TBX4: variants seen among roughly 807,000 people sequenced by gnomAD.
TBX4 encodes T-box transcription factor TBX4.
Under a neutral mutation model 54.6 loss-of-function variants are expected in TBX4, and 13 were observed. The ratio of observed to expected loss-of-function variants is 0.24; its 90% CI spans 0.15 to 0.38. The LOEUF (loss-of-function observed/expected upper bound fraction) is 0.38, where lower values mean the gene tolerates loss of function less well. TBX4 is among the 10% of genes least tolerant of loss of function. TBX4 has a pLI of 1.00. For missense variants in TBX4, 631 were observed against 728.5 expected (o/e 0.87, Z 1.54); for synonymous variants, 314 against 306.7 (o/e 1.02, Z -0.25).
intron 1 of TBX4, among the ~76,000 whole-genome samples, chr17:61,455,309 G>A (rs2060439152): frequency 6.6e-6 from 1 of 152,238 alleles, no homozygotes; most frequent in South Asian, 2.1e-4. Context: ...GGGAGAGCGG[G>A]AAGAAGGTAG....
At chr17:61,463,613 T>C (rs2143815178) in intron 3 of TBX4, among the ~76,000 whole-genome samples, 1 of 152,346 alleles carries the variant, frequency 6.6e-6, no homozygotes, top group Non-Finnish European at 1.5e-5. Flanking sequence ...CCTCTCAGCC[T>C]AGGCTATGAC....
Position 61,457,736 on chromosome 17 carries a change from G to A in TBX4, c.281+105G>A. 1 of 1,064,758 alleles carries A rather than the reference G, an allele frequency of 9.4e-7. No homozygotes were observed. Among genetic ancestry groups the A allele is most frequent in the South Asian group, 1.4e-5 (1 of 72,334 alleles). 66.0% of individuals were successfully genotyped at this position (1,064,758 alleles called of 1,614,324 possible). The stretch of plus-strand genomic sequence containing the variant: ...GCCCCGGCCTGGTGGCCTGTGGGAG[G>A]CCTCTCTGCCTCCTCGGGCGTCAGT... On this transcript the variant is annotated intron_variant, in intron 3 of 8. Transcript: ENST00000644296. This position sits in a 1 kb window ranked among gnomAD's most constrained non-coding sequence, Gnocchi z 8.2.
intron 8 of TBX4, 40 bp from the exon 9 acceptor site, chr17:61,482,857 G>A: frequency 1.2e-6 from 2 of 1,608,470 alleles, no homozygotes; most frequent in South Asian, 2.2e-5. Flanking sequence ...GGCCTGGGCT[G>A]GTGGAAATGG....
At position 61,482,984 on chromosome 17, in the gene TBX4, C is replaced by T. The variant is rs2060675576; in HGVS notation, c.1109C>T (p.Ser370Phe). 2 of 1,613,740 alleles carry T rather than the reference C, an allele frequency of 1.2e-6. No homozygotes were observed. Among genetic ancestry groups the T allele is most frequent in the Non-Finnish European group, 1.7e-6 (2 of 1,179,792 alleles). Reference sequence around the variant, plus strand: ...GTGGGGGAGGATCACTATTTCCGTTCCCCCCCTCCCTACGACCAGCAAATG... The same window carrying T: ...GTGGGGGAGGATCACTATTTCCGTTTCCCCCCTCCCTACGACCAGCAAATG... ...SSVGEDHYFR[S>F]PPPYDQQMLS... The change falls in exon 9 of 9, where the codon TCC (serine) becomes TTC (phenylalanine). Residue 370 changes from serine (S) to phenylalanine (F), a missense_variant. By Grantham distance (155) the Ser-to-Phe change is radical. Around this residue, in one of 3 missense-constraint regions of TBX4, gnomAD observed 354 missense variants for 368.9 expected, o/e 0.96. Transcript: ENST00000644296.
chr17:61,455,300 G>T (rs577978421), intron 1 of TBX4, among the ~76,000 whole-genome samples: 17 of 152,358 alleles, frequency 1.1e-4, no homozygotes, highest in Admixed American at 3.3e-4. Context: ...GAGGGCCCGG[G>T]GAGAGCGGGA....
At chr17:61,454,193 C>G (rs533627755) in intron 1 of TBX4, among the ~76,000 whole-genome samples, 1 of 152,152 alleles carries the variant, frequency 6.6e-6, no homozygotes, top group Non-Finnish European at 1.5e-5. Flanking sequence ...TCAAAGTTCC[C>G]GAACTGATCA....
chr17:61,457,593 C>G lies in TBX4; in HGVS notation c.243C>G (p.His81Gln). 1 of 1,613,686 alleles carries G rather than the reference C, an allele frequency of 6.2e-7. No homozygotes were observed. Among genetic ancestry groups the G allele is most frequent in the Non-Finnish European group, 8.5e-7 (1 of 1,179,922 alleles). The stretch of plus-strand genomic sequence containing the variant: ...AGAAGGAGCTCTGGAAGAAGTTCCA[C>G]GAGGCGGGCACCGAGATGATCATCA... ...LHEKELWKKF[H>Q]EAGTEMIITK... Residue 81 changes from histidine to glutamine, a missense_variant, in exon 3 of 9, where the codon CAC (histidine) becomes CAG (glutamine). Transcript: ENST00000644296. This position sits in a 1 kb window ranked among gnomAD's most constrained non-coding sequence, Gnocchi z 8.2.
chr17:61,457,664 C>A lies in TBX4; in HGVS notation c.281+33C>A. The A allele has an allele frequency of 6.2e-7, 1 of 1,602,424 alleles. No individual in the cohort carries two copies. Among genetic ancestry groups the A allele is most frequent in the South Asian group, 1.1e-5 (1 of 90,642 alleles). On this transcript the variant is annotated intron_variant, in intron 3 of 8. Transcript: ENST00000644296. This position sits in a 1 kb window ranked among gnomAD's most constrained non-coding sequence, Gnocchi z 8.2. ...CTGGGAGATTTACTTCCGGGGATGG[C>A]GGTGGGGAGCAAGGGGGGCCAGGGA...
rs149977669 is a variant in TBX4, at chr17:61,483,613, A to AGTGTGTGT, written c.*130_*137dup. The AGTGTGTGT allele has an allele frequency of 0.067, 51,868 of 775,500 alleles. 1,003 individuals are homozygous for AGTGTGTGT. The highest frequency in any genetic ancestry group is 0.11 in the African/African-American group (5,401 of 50,692). The allele number at this position is 775,500 out of a possible 1,614,324, so 48.0% of individuals were successfully genotyped here. The stretch of plus-strand genomic sequence containing the variant: ...ACCAAGAAACACAGGAAGGTATTCC[A>AGTGTGTGT]GTGTGTGTGTGTGTGTGTGTGTGTG... On this transcript the variant is annotated 3_prime_UTR_variant, in exon 9 of 9. Coordinates refer to ENST00000644296, the MANE Select transcript of TBX4 (RefSeq NM_001321120.2). This position sits in a 1 kb window ranked among gnomAD's most constrained non-coding sequence, Gnocchi z 6.6.
intron 1 of TBX4, 166 bp from the exon 2 acceptor site, chr17:61,456,322 G>A: frequency 1.2e-6 from 1 of 854,506 alleles, no homozygotes; most frequent in Non-Finnish European, 1.9e-6. Flanking sequence ...CGAGGGACCT[G>A]CCTTCCTTGC....
At position 61,479,484 on chromosome 17, in the gene TBX4, C is replaced by A. The variant is rs964165206; in HGVS notation, c.703-397C>A. Reference sequence around the variant, plus strand: ...CCTGATGTAGTTGCACAGACTCAGGCAGCAGGCCCGGGATGCTCACTGGGA... The same window carrying A: ...CCTGATGTAGTTGCACAGACTCAGGAAGCAGGCCCGGGATGCTCACTGGGA... On this transcript the variant is annotated intron_variant, in intron 6 of 8. Coordinates refer to ENST00000644296, the MANE Select transcript of TBX4 (RefSeq NM_001321120.2). The surrounding 1 kb of genome is among the most constrained non-coding windows in gnomAD (Gnocchi z 6.1). 6.6e-6 allele frequency among the ~76,000 whole-genome samples: 1 copy of A among 152,202 alleles called. No homozygotes were observed. Among genetic ancestry groups the A allele is most frequent in the South Asian group, 2.1e-4 (1 of 4,830 alleles).
rs1160889664 is a variant in TBX4, at chr17:61,474,822, T to C, written c.550-3805T>C. ...AAAGCCAGGTGTGTGAGTCACTGAG[T>C]TGGTTTCACATTCTCCCGGCTGATG... On this transcript the variant is annotated intron_variant, in intron 5 of 8. Transcript: ENST00000644296. The surrounding 1 kb of genome is among the most constrained non-coding windows in gnomAD (Gnocchi z 4.6). Among the ~76,000 whole-genome samples, 1 of 152,130 alleles carries C rather than the reference T, an allele frequency of 6.6e-6. No homozygotes were observed. Among genetic ancestry groups the C allele is most frequent in the Non-Finnish European group, 1.5e-5 (1 of 68,026 alleles).
chr17:61,473,236 C>T (rs2060593377), intron 5 of TBX4, among the ~76,000 whole-genome samples: 1 of 151,182 alleles, frequency 6.6e-6, no homozygotes, highest in Non-Finnish European at 1.5e-5. Context: ...GATTTGTTAC[C>T]ATGATAAATG....
chr17:61,474,261 T>C lies in TBX4; in HGVS notation c.550-4366T>C, dbSNP rs895889587. On this transcript the variant is annotated intron_variant, in intron 5 of 8. Transcript: ENST00000644296. The surrounding 1 kb of genome is among the most constrained non-coding windows in gnomAD (Gnocchi z 4.6). ...CATCCAGATAACATGTGTTCTGTGT[T>C]CTGTAGGGCCTGCTGACCCAAGTCC... Among the ~76,000 whole-genome samples the C allele has an allele frequency of 6.6e-6, 1 of 152,222 alleles. No homozygotes were observed. Among genetic ancestry groups the C allele is most frequent in the Admixed American group, 6.5e-5 (1 of 15,280 alleles).
In TBX4 at chr17:61,457,709, C is replaced by T; in HGVS notation, c.281+78C>T. 4 of 1,398,096 alleles carry T rather than the reference C, an allele frequency of 2.9e-6. No individual in the cohort carries two copies. The highest frequency in any genetic ancestry group is 4.0e-6 in the Non-Finnish European group (4 of 997,364). 86.6% of individuals were successfully genotyped at this position (1,398,096 alleles called of 1,614,324 possible). A position where few individuals can be genotyped will look rare whatever the true frequency, so the allele number is the denominator to read the frequency against. ...CAGGGAGGTCCCTTAGAAGTCCTCT[C>T]GGCCCCGGCCTGGTGGCCTGTGGGA... On this transcript the variant is annotated intron_variant, in intron 3 of 8. Coordinates refer to ENST00000644296, the MANE Select transcript of TBX4 (RefSeq NM_001321120.2). The surrounding 1 kb of genome is among the most constrained non-coding windows in gnomAD (Gnocchi z 8.2).
chr17:61,467,766 C>T, intron 5 of TBX4, 109 bp downstream of exon 5: 1 of 1,419,714 alleles, frequency 7.0e-7, no homozygotes, highest in African/African-American at 1.4e-5. Flanking sequence ...CAGCTCCAGG[C>T]TTTGGCGCTC....
In TBX4 at chr17:61,480,920, G is replaced by A. The variant is rs1006100051; in HGVS notation, c.1021+601G>A. 1.5e-4 allele frequency among the ~76,000 whole-genome samples: 23 copies of A among 152,212 alleles called. 1 individual carries two copies. Among genetic ancestry groups the A allele is most frequent in the African/African-American group, 5.1e-4 (21 of 41,436 alleles). ...CCCGGAGCTGGGCACCATCACATCT[G>A]TGCTCTGTGCCAGGTCTTGATTCCT... On this transcript the variant is annotated intron_variant, in intron 8 of 8. Transcript: ENST00000644296. The surrounding 1 kb of genome is among the most constrained non-coding windows in gnomAD (Gnocchi z 6.2).
At chr17:61,454,150 C>T (rs2060431303) in intron 1 of TBX4, among the ~76,000 whole-genome samples, 1 of 152,180 alleles carries the variant, frequency 6.6e-6, no homozygotes, top group Non-Finnish European at 1.5e-5. Context: ...ATTAAAGATA[C>T]AAAGTAGTAA....
Position 61,483,890 on chromosome 17 carries a change from T to G in TBX4, c.*374T>G. The G allele has an allele frequency of 3.6e-6, 1 of 275,216 alleles. No homozygotes were observed. Among genetic ancestry groups the G allele is most frequent in the South Asian group, 4.1e-5 (1 of 24,408 alleles). The allele number at this position is 275,216 out of a possible 1,614,324, so 17.0% of individuals were successfully genotyped here. On this transcript the variant is annotated 3_prime_UTR_variant, in exon 9 of 9. Transcript: ENST00000644296. The surrounding 1 kb of genome is among the most constrained non-coding windows in gnomAD (Gnocchi z 6.6). Reference sequence around the variant, plus strand: ...TACTCAGGGGCCAGGTGGGGAGTTCTCTCCCATGGGGAAAGATTCTCACTG... The same window carrying G: ...TACTCAGGGGCCAGGTGGGGAGTTCGCTCCCATGGGGAAAGATTCTCACTG...
Sources: gnomAD v4.1 joint callset for allele counts (sites outside exome capture counted in the v4.1 genomes callset) on GRCh38, gnomAD v4.1.1 for gene constraint, gnomAD v4.1.1 regional missense constraint, Gnocchi (gnomAD v3.1) non-coding constraint, MANE v1.5 for transcripts, NCBI Gene and HGNC (gene_info 2026-07-23, HGNC 2026-07-21) for gene names.